CRIM1: variants seen among roughly 807,000 people sequenced by gnomAD.
CRIM1 encodes the protein cysteine rich transmembrane BMP regulator 1, also known as cysteine-rich motor neuron 1 protein.
A neutral mutation model predicts 116.4 loss-of-function variants in CRIM1; 32 were observed. The observed-to-expected ratio is 0.27, with a 90% CI of 0.21 to 0.37. The LOEUF is 0.37. CRIM1 is among the 10% of genes least tolerant of loss of function. The pLI is 1.00. For missense variants in CRIM1, 1,331 were observed against 1,354.8 expected (o/e 0.98, Z 0.28); for synonymous variants, 590 against 509.2 (o/e 1.16, Z -2.13).
chr2:36,405,075 T>C (rs569757410), intron 2 of CRIM1, among the ~76,000 whole-genome samples: 3 of 152,228 alleles, frequency 2.0e-5, no homozygotes, highest in Non-Finnish European at 4.4e-5. Context: ...GTAAATCTTA[T>C]GTCATCTGTA....
rs140241337 is a variant in CRIM1, at chr2:36,498,978, A to C, written c.1373-241A>C. Among the ~76,000 whole-genome samples the C allele has an allele frequency of 3.4e-4, 52 of 152,394 alleles. No individual in the cohort carries two copies. In the East Asian group the frequency reaches 8.3e-3, roughly 24 times the overall value. ...CATCAGAGAAGAATTGTGTGAAGGT[A>C]CCAAAAACTGCATGAATTGCTCAAA... On this transcript the variant is annotated intron_variant, in intron 7 of 16. Transcript: ENST00000280527.
chr2:36,393,949 C>T (rs1474019376), intron 1 of CRIM1, among the ~76,000 whole-genome samples: 1 of 152,126 alleles, frequency 6.6e-6, no homozygotes, highest in Non-Finnish European at 1.5e-5. Context: ...GAGAGAATTA[C>T]TGGGCAGGTT....
chr2:36,502,236 C>T (rs1681052384), intron 8 of CRIM1, among the ~76,000 whole-genome samples: 1 of 152,174 alleles, frequency 6.6e-6, no homozygotes, highest in Non-Finnish European at 1.5e-5. Flanking sequence ...AGCAGTTTCC[C>T]TCAACTGCCT....
chr2:36,516,090 G>A (rs1665014567), intron 11 of CRIM1, among the ~76,000 whole-genome samples: 1 of 152,162 alleles, frequency 6.6e-6, no homozygotes, highest in African/African-American at 2.4e-5. Context: ...CCAGCCTTTT[G>A]TAATTCCCTT....
At chr2:36,425,132 G>A (rs1207631489) in intron 2 of CRIM1, among the ~76,000 whole-genome samples, 2 of 152,206 alleles carry the variant, frequency 1.3e-5, no homozygotes, top group Non-Finnish European at 2.9e-5. Flanking sequence ...GCTCAGTAGT[G>A]AGTTTGTGGA....
rs571380945 is a variant in CRIM1 at position 36,550,764 on chromosome 2, T to TTTTG, written c.*2066_*2069dup. On this transcript the variant is annotated 3_prime_UTR_variant, in exon 17 of 17. Transcript: ENST00000280527. Reference sequence around the variant, plus strand: ...TTGACATCAGCCTGATTAGTATAAATTTTGTTGGTAATTAATCCATTCCTG... The same window carrying TTTTG: ...TTGACATCAGCCTGATTAGTATAAATTTTGTTTGTTGGTAATTAATCCATTCCTG... 38 of 152,684 alleles carry TTTTG rather than the reference T, an allele frequency of 2.5e-4. No individual in the cohort carries two copies. The South Asian group carries it at 7.5e-3, about 30-fold the overall frequency. The allele number at this position is 152,684 out of a possible 1,614,324, so 9.5% of individuals were successfully genotyped here.
chr2:36,422,582 G>A (rs1161317075), intron 2 of CRIM1, among the ~76,000 whole-genome samples: 1 of 152,160 alleles, frequency 6.6e-6, no homozygotes, highest in African/African-American at 2.4e-5. Context: ...ATTTACCATT[G>A]CAGAAGGGGC....
chr2:36,444,842 G>T (rs1257106377), intron 4 of CRIM1, among the ~76,000 whole-genome samples: 1 of 152,118 alleles, frequency 6.6e-6, no homozygotes, highest in Non-Finnish European at 1.5e-5. Flanking sequence ...ATACATATAG[G>T]CAGCTTCTAC....
chr2:36,537,568 C>T (rs768801998), intron 14 of CRIM1, 22 bp downstream of exon 14: 2 of 1,573,332 alleles, frequency 1.3e-6, no homozygotes, highest in South Asian at 1.2e-5. Context: ...ACCATCCTTC[C>T]ATTTGTCAAG....
At chr2:36,395,781 C>A (rs1157814435) in intron 1 of CRIM1, among the ~76,000 whole-genome samples, 1 of 152,110 alleles carries the variant, frequency 6.6e-6, no homozygotes, top group Non-Finnish European at 1.5e-5. Context: ...GTGATGGATA[C>A]TATCAGTCTC....
chr2:36,459,172 G>C (rs111349939), intron 4 of CRIM1, among the ~76,000 whole-genome samples: 4,961 of 152,150 alleles, frequency 0.033, 272 homozygotes, highest in African/African-American at 0.11. Flanking sequence ...TTGGAAAGTG[G>C]ATTGCAAATT....
chr2:36,378,163 A>G lies in CRIM1; in HGVS notation c.332-18451A>G, dbSNP rs563975736. 1.3e-4 allele frequency among the ~76,000 whole-genome samples: 20 copies of G among 152,332 alleles called. No homozygotes were observed. The South Asian group carries it at 4.2e-3, about 32-fold the overall frequency. On this transcript the variant is annotated intron_variant, in intron 1 of 16. Transcript: ENST00000280527. ...ATAGATGGGTAGATAGATGCTCTGT[A>G]ATTGAATAGCCTACTGGGCTTCTGT...
At chr2:36,538,704 G>C (rs557855666) in intron 14 of CRIM1, among the ~76,000 whole-genome samples, 7 of 152,140 alleles carry the variant, frequency 4.6e-5, no homozygotes, top group African/African-American at 1.4e-4. Flanking sequence ...AAGGTAAGGG[G>C]GTGGAACCAT....
intron 5 of CRIM1, among the ~76,000 whole-genome samples, chr2:36,467,764 C>T (rs375408154): frequency 2.5e-4 from 38 of 152,254 alleles, no homozygotes; most frequent in African/African-American, 8.7e-4. Flanking sequence ...TAAATTAGGC[C>T]CCCAGTTTTC....
intron 1 of CRIM1, among the ~76,000 whole-genome samples, chr2:36,376,109 C>G: frequency 6.6e-6 from 1 of 152,108 alleles, no homozygotes; most frequent in Non-Finnish European, 1.5e-5. Flanking sequence ...AAGCTTAACC[C>G]CAACATAGGG....
rs966853441 is a variant in CRIM1 at position 36,517,546 on chromosome 2, A to G, written c.2206+4A>G. 3.6e-5 allele frequency: 58 copies of G among 1,606,632 alleles called. No homozygotes were observed. Among genetic ancestry groups the G allele is most frequent in the Non-Finnish European group, 4.5e-5 (53 of 1,174,418 alleles). ...TCCTGCTGCCCACAGTGTACAGGTA[A>G]GCGACACCATGCCTTGTGGGTGCTT... On this transcript the variant is annotated splice_donor_region_variant and intron_variant, in intron 12 of 16. Transcript: ENST00000280527.
At chr2:36,408,265 G>A (rs374255378) in intron 2 of CRIM1, among the ~76,000 whole-genome samples, 14 of 152,308 alleles carry the variant, frequency 9.2e-5, no homozygotes, top group African/African-American at 3.1e-4. Context: ...TCTAATGACT[G>A]ACCTTAGCAG....
chr2:36,446,083 T>G (rs1031219598), intron 4 of CRIM1, among the ~76,000 whole-genome samples: 2 of 152,196 alleles, frequency 1.3e-5, no homozygotes, highest in African/African-American at 4.8e-5. Context: ...ATCTGAAACT[T>G]TAGCTGTAAA....
intron 5 of CRIM1, among the ~76,000 whole-genome samples, chr2:36,470,649 T>C (rs1412347069): frequency 6.6e-6 from 1 of 152,226 alleles, no homozygotes; most frequent in Non-Finnish European, 1.5e-5. Flanking sequence ...AAAATATTAC[T>C]GCTCATTGAC....
Sources: gnomAD v4.1 joint callset for allele counts (sites outside exome capture counted in the v4.1 genomes callset) on GRCh38, gnomAD v4.1.1 for gene constraint, MANE v1.5 for transcripts, NCBI Gene and HGNC (gene_info 2026-07-23, HGNC 2026-07-21) for gene names.